The following KHDRBS3 variants were observed in gnomAD, a reference collection of about 807,000 sequenced individuals.
The protein encoded by KHDRBS3 is KH domain-containing, RNA-binding, signal transduction-associated protein 3.
Under a neutral mutation model 45.6 loss-of-function variants are expected in KHDRBS3, and 23 were observed. The observed-to-expected ratio is 0.50, with a 90% CI of 0.36 to 0.72. The LOEUF (loss-of-function observed/expected upper bound fraction) is 0.72, where lower values mean the gene tolerates loss of function less well. Among genes scored for constraint, KHDRBS3 ranks in the 30% least tolerant of loss-of-function variants. The probability of loss-of-function intolerance (pLI) is 0.00; values close to 1 mark genes in which losing one functional copy is unlikely to be tolerated. For synonymous variants in KHDRBS3, 162 were observed against 156.5 expected (o/e 1.04, Z -0.26); for missense variants, 352 against 424.8 (o/e 0.83, Z 1.51).
chr8:135,513,962 A>T (rs1649849931), intron 1 of KHDRBS3, among the ~76,000 whole-genome samples: 1 of 151,768 alleles, frequency 6.6e-6, no homozygotes. Flanking sequence ...ATGTTAGTGG[A>T]ATTTATATTT....
At chr8:135,485,427 G>A (rs1291066366) in intron 1 of KHDRBS3, among the ~76,000 whole-genome samples, 4 of 152,130 alleles carry the variant, frequency 2.6e-5, no homozygotes, top group Admixed American at 6.6e-5. Context: ...TCAGCCAGAA[G>A]AGCCAAGGTT....
At chr8:135,606,365 T>G (rs113143588) in intron 6 of KHDRBS3, among the ~76,000 whole-genome samples, 4 of 152,306 alleles carry the variant, frequency 2.6e-5, no homozygotes, top group African/African-American at 9.6e-5. Context: ...TGTTCAGTTT[T>G]TCTTCACTAC....
At chr8:135,656,274 C>T (rs967195235) in exon 5 of KHDRBS3, 2 of 152,172 alleles carry the variant, frequency 1.3e-5, no homozygotes, top group Non-Finnish European at 2.9e-5. Flanking sequence ...AACTCACCAA[C>T]GTGCCTAGTC....
intron 1 of KHDRBS3, among the ~76,000 whole-genome samples, chr8:135,480,408 T>G (rs1386968299): frequency 1.3e-5 from 2 of 152,130 alleles, no homozygotes; most frequent in African/African-American, 4.8e-5. Flanking sequence ...CTACTAAAAC[T>G]AATTAATTTT....
intron 1 of KHDRBS3, among the ~76,000 whole-genome samples, chr8:135,492,349 A>G (rs1251574548): frequency 6.6e-6 from 1 of 152,116 alleles, no homozygotes; most frequent in African/African-American, 2.4e-5. Flanking sequence ...AAATACTTGT[A>G]TATCTGTGGA....
intron 5 of KHDRBS3, among the ~76,000 whole-genome samples, chr8:135,560,937 C>T (rs897622007): frequency 5.3e-5 from 8 of 152,136 alleles, no homozygotes; most frequent in Non-Finnish European, 1.2e-4. Context: ...AACACACAAC[C>T]CACTTTACTT....
chr8:135,631,611 A>G (rs1487784759), intron 7 of KHDRBS3, among the ~76,000 whole-genome samples: 2 of 152,200 alleles, frequency 1.3e-5, no homozygotes, highest in African/African-American at 2.4e-5. Flanking sequence ...GTCATCTCCT[A>G]GGATAAGAGT....
chr8:135,471,962 A>G (rs1242372433), intron 1 of KHDRBS3, among the ~76,000 whole-genome samples: 1 of 152,122 alleles, frequency 6.6e-6, no homozygotes, highest in Non-Finnish European at 1.5e-5. Context: ...ATTACCTTTG[A>G]TTCCTTCTCC....
chr8:135,584,042 G>T (rs1828340085), intron 6 of KHDRBS3, among the ~76,000 whole-genome samples: 1 of 152,128 alleles, frequency 6.6e-6, no homozygotes, highest in Non-Finnish European at 1.5e-5. Context: ...AAAGATAATG[G>T]GATAATGGCC....
intron 6 of KHDRBS3, among the ~76,000 whole-genome samples, chr8:135,605,985 T>A (rs778746622): frequency 4.6e-5 from 7 of 152,206 alleles, no homozygotes; most frequent in Non-Finnish European, 7.3e-5. Flanking sequence ...CATGGTTTCT[T>A]GTTTTTGTTG....
chr8:135,518,687 C>G (rs1352931770), intron 1 of KHDRBS3, among the ~76,000 whole-genome samples: 2 of 151,974 alleles, frequency 1.3e-5, no homozygotes, highest in African/African-American at 2.4e-5. Flanking sequence ...ATTGTTATAC[C>G]CGGAGCAGCT....
intron 1 of KHDRBS3, among the ~76,000 whole-genome samples, chr8:135,470,324 C>T (rs1331613475): frequency 1.3e-5 from 2 of 151,708 alleles, no homozygotes; most frequent in East Asian, 1.9e-4. Context: ...TTTGTTTTAA[C>T]GTGAGAAGTA....
chr8:135,514,430 A>G (rs1563734926), intron 1 of KHDRBS3, among the ~76,000 whole-genome samples: 2 of 152,240 alleles, frequency 1.3e-5, no homozygotes, highest in African/African-American at 4.8e-5. Flanking sequence ...ATGAGCCTTG[A>G]GGGCATTATG....
intron 7 of KHDRBS3, among the ~76,000 whole-genome samples, chr8:135,608,263 A>G (rs1243234750): frequency 6.6e-6 from 1 of 152,248 alleles, no homozygotes; most frequent in Non-Finnish European, 1.5e-5. Context: ...ACTCAAAGAT[A>G]TGTACCCTTT....
intron 3 of KHDRBS3, among the ~76,000 whole-genome samples, chr8:135,547,962 A>G (rs1438516791): frequency 6.6e-6 from 1 of 152,182 alleles, no homozygotes; most frequent in Non-Finnish European, 1.5e-5. Flanking sequence ...TTCGTCCTGC[A>G]TTTCCTTATG....
Position 135,557,581 on chromosome 8 carries a change from T to C in KHDRBS3, c.605T>C (p.Ile202Thr). Residue 202 changes from isoleucine (I) to threonine (T), a missense_variant, in exon 5 of 9, where the codon ATA (isoleucine) becomes ACA (threonine). By Grantham distance (89) the Ile-to-Thr change is moderately conservative. This residue lies in a region of KHDRBS3 where 212 missense variants were observed against 209.6 expected (regional missense o/e 1.01). Transcript: ENST00000355849. ...ACAAGAGGTGTACCAGCCCCAGCAATAACCAGGTAGGTGTAAATTTTTTTT... is the reference window on the plus strand; with the variant it reads ...ACAAGAGGTGTACCAGCCCCAGCAACAACCAGGTAGGTGTAAATTTTTTTT... The part of the protein sequence containing the change: ...LRTRGVPAPA[I>T]TRGRGGVTAR... 6.2e-7 allele frequency: 1 copy of C among 1,611,156 alleles called. No homozygotes were observed. Among genetic ancestry groups the C allele is most frequent in the Non-Finnish European group, 8.5e-7 (1 of 1,178,606 alleles).
chr8:135,502,076 T>C (rs1475239318), intron 1 of KHDRBS3, among the ~76,000 whole-genome samples: 3 of 152,186 alleles, frequency 2.0e-5, no homozygotes, highest in African/African-American at 2.4e-5. Flanking sequence ...TTTAAGTTGT[T>C]TAACCTTAAT....
intron 2 of KHDRBS3, among the ~76,000 whole-genome samples, chr8:135,536,515 G>A (rs974746140): frequency 6.6e-6 from 1 of 152,078 alleles, no homozygotes; most frequent in South Asian, 2.1e-4. Flanking sequence ...AAGCAGAGGT[G>A]TAATATGGGC....
intron 6 of KHDRBS3, among the ~76,000 whole-genome samples, chr8:135,592,385 A>C (rs905193930): frequency 6.6e-6 from 1 of 152,202 alleles, no homozygotes; most frequent in Non-Finnish European, 1.5e-5. Context: ...CGTCCAAGTT[A>C]GTTGAGCTAT....
Sources: gnomAD v4.1 joint callset for allele counts (sites outside exome capture counted in the v4.1 genomes callset) on GRCh38, gnomAD v4.1.1 for gene constraint, gnomAD v4.1.1 regional missense constraint, MANE v1.5 for transcripts, NCBI Gene and HGNC (gene_info 2026-07-23, HGNC 2026-07-21) for gene names.